RBFOX3: variants seen among roughly 807,000 people sequenced by gnomAD.
The protein encoded by RBFOX3 is RNA binding protein fox-1 homolog 3.
In RBFOX3, 17 loss-of-function variants were observed where a neutral mutation model predicts 48.7. That is an observed-to-expected ratio of 0.35 (90% CI 0.24 to 0.52). RBFOX3 has a LOEUF of 0.52. Ranked by LOEUF, RBFOX3 falls within the 20% of genes least tolerant of loss-of-function variation. The probability of loss-of-function intolerance (pLI) is 0.94; values close to 1 mark genes in which losing one functional copy is unlikely to be tolerated. For missense variants in RBFOX3, 382 were observed against 497.5 expected (o/e 0.77, Z 2.21); for synonymous variants, 212 against 209.5 (o/e 1.01, Z -0.10).
chr17:79,235,662 A>T (rs1600153240), intron 4 of RBFOX3, 104 bp downstream of exon 4: 1 of 153,560 alleles, frequency 6.5e-6, no homozygotes, highest in Non-Finnish European at 1.5e-5. Flanking sequence ...AGTGGCTGGG[A>T]AACCCCAGAA....
At position 79,111,827 on chromosome 17, in the gene RBFOX3, G is replaced by A. The variant is rs2031689098; in HGVS notation, c.222+3667C>T. 6.6e-6 allele frequency among the ~76,000 whole-genome samples: 1 copy of A among 152,252 alleles called. No individual in the cohort carries two copies. Among genetic ancestry groups the A allele is most frequent in the Admixed American group, 6.5e-5 (1 of 15,286 alleles). On this transcript the variant is annotated intron_variant, in intron 5 of 14. Transcript: ENST00000693108. The surrounding 1 kb of genome is among the most constrained non-coding windows in gnomAD (Gnocchi z 4.2). ...CCCGAGTGAGTGAATACATGCTCCAGATGGTGACCCCTGCTGGGGAACACA... is the reference window on the plus strand; with the variant it reads ...CCCGAGTGAGTGAATACATGCTCCAAATGGTGACCCCTGCTGGGGAACACA...
intron 3 of RBFOX3, among the ~76,000 whole-genome samples, chr17:79,304,355 C>T (rs528239551): frequency 8.6e-5 from 13 of 150,664 alleles, no homozygotes; most frequent in South Asian, 4.2e-4. Flanking sequence ...TATACACACA[C>T]GTAAATATAT....
At chr17:79,099,222 C>T (rs2075985090) in intron 9 of RBFOX3, 1 of 152,574 alleles carries the variant, frequency 6.6e-6, no homozygotes, top group Non-Finnish European at 1.5e-5. Flanking sequence ...CTCCTGGGCT[C>T]AAGCGATCCT....
chr17:79,592,403 A>C (rs2093448218), intron 1 of RBFOX3, among the ~76,000 whole-genome samples: 1 of 150,360 alleles, frequency 6.7e-6, no homozygotes, highest in Admixed American at 6.6e-5. Flanking sequence ...TGGAATGTGT[A>C]GTATGGGCAC....
intron 2 of RBFOX3, among the ~76,000 whole-genome samples, chr17:79,415,192 G>A (rs1387452634): frequency 1.3e-5 from 2 of 152,190 alleles, no homozygotes; most frequent in Non-Finnish European, 2.9e-5. Flanking sequence ...AGGTACCTGG[G>A]CCGAGGCCCA....
chr17:79,097,950 C>T, intron 9 of RBFOX3: 1 of 596,334 alleles, frequency 1.7e-6, no homozygotes, highest in Non-Finnish European at 3.0e-6. Context: ...ACTCTTCTGC[C>T]TGGGGGTCTG....
chr17:79,467,543 C>T (rs1215641040), intron 2 of RBFOX3, among the ~76,000 whole-genome samples: 1 of 152,184 alleles, frequency 6.6e-6, no homozygotes, highest in Non-Finnish European at 1.5e-5. Flanking sequence ...GGCCAGCACT[C>T]CTGGGCCACC....
rs541564220 is a variant in RBFOX3, at chr17:79,204,508, C to T, written c.-34+31258G>A. Among the ~76,000 whole-genome samples the T allele has an allele frequency of 1.5e-4, 23 of 152,302 alleles. No individual in the cohort carries two copies. Among genetic ancestry groups the T allele is most frequent in the Non-Finnish European group, 2.2e-4 (15 of 68,026 alleles). ...ACACATACCGACAGCATTCAGTCAA[C>T]GAGGTCGACGCGCTGGAACTACTTT... On this transcript the variant is annotated intron_variant, in intron 4 of 14. Transcript: ENST00000693108. This position sits in a 1 kb window ranked among gnomAD's most constrained non-coding sequence, Gnocchi z 4.5.
chr17:79,349,613 C>T (rs1568088092), intron 2 of RBFOX3, among the ~76,000 whole-genome samples: 1 of 152,118 alleles, frequency 6.6e-6, no homozygotes, highest in Non-Finnish European at 1.5e-5. Context: ...TGTGCGACTC[C>T]AGTCTGATGT....
rs896179524 is a variant in RBFOX3, at chr17:79,467,975, C to T, written c.-175+14479G>A. Among the ~76,000 whole-genome samples the T allele has an allele frequency of 1.9e-4, 29 of 152,180 alleles. No homozygotes were observed. The Middle Eastern group carries it at 0.017, about 89-fold the overall frequency. ...AGGTATGAGAACCCAGGAGACGGTT[C>T]TTCTCCAACACCCGAGGCAGACGTC... On this transcript the variant is annotated intron_variant, in intron 2 of 14. Coordinates refer to ENST00000693108, the MANE Select transcript of RBFOX3 (RefSeq NM_001350451.2).
At chr17:79,563,759 G>A (rs1412089619) in intron 1 of RBFOX3, among the ~76,000 whole-genome samples, 1 of 152,120 alleles carries the variant, frequency 6.6e-6, no homozygotes, top group Non-Finnish European at 1.5e-5. Context: ...CCACTGGCCG[G>A]GAGTCTAGGT....
intron 3 of RBFOX3, among the ~76,000 whole-genome samples, chr17:79,306,651 TGA>T (rs1438150368): frequency 3.3e-5 from 5 of 152,194 alleles, no homozygotes; most frequent in Non-Finnish European, 7.4e-5. Flanking sequence ...CAGAAGGATG[TGA>T]GAGGGTGCAG....
intron 9 of RBFOX3, 70 bp downstream of exon 9, chr17:79,101,514 C>T: frequency 7.2e-7 from 1 of 1,380,982 alleles, no homozygotes; most frequent in South Asian, 1.2e-5. Context: ...CTGCAGCAGC[C>T]TCAGCTCCCC....
chr17:79,169,475 C>G (rs2048695787), intron 4 of RBFOX3, among the ~76,000 whole-genome samples: 1 of 152,222 alleles, frequency 6.6e-6, no homozygotes, highest in South Asian at 2.1e-4. Context: ...TAAGATCACA[C>G]ACCCCACCCA....
intron 3 of RBFOX3, among the ~76,000 whole-genome samples, chr17:79,273,228 G>A (rs576326589): frequency 2.0e-5 from 3 of 152,264 alleles, no homozygotes; most frequent in East Asian, 1.9e-4. Context: ...TTCCACAGCC[G>A]GCCTGAAGCC....
chr17:79,614,464 C>T (rs1875308185), upstream of RBFOX3, among the ~76,000 whole-genome samples: 3 of 80,388 alleles, frequency 3.7e-5, no homozygotes, highest in South Asian at 1.7e-3. Context: ...TCGGAGCTGC[C>T]AACCAGCTTT....
chr17:79,459,892 C>T (rs1695317910), intron 2 of RBFOX3, among the ~76,000 whole-genome samples: 1 of 152,094 alleles, frequency 6.6e-6, no homozygotes, highest in African/African-American at 2.4e-5. Context: ...CTGGAATAGT[C>T]AATAGTCAAA....
At chr17:79,544,463 C>CA (rs1361220948) in intron 1 of RBFOX3, among the ~76,000 whole-genome samples, 1 of 151,996 alleles carries the variant, frequency 6.6e-6, no homozygotes, top group African/African-American at 2.4e-5. Flanking sequence ...AAGGAGGTGA[C>CA]AGAGAAGCAC....
intron 4 of RBFOX3, 141 bp downstream of exon 4, chr17:79,235,625 C>G (rs1279611041): frequency 6.5e-6 from 1 of 153,524 alleles, no homozygotes; most frequent in East Asian, 1.9e-4. Flanking sequence ...GCCTTCCCTC[C>G]ACAGCCCCCA....
Sources: allele counts gnomAD v4.1 joint callset (sites outside exome capture counted in the v4.1 genomes callset), GRCh38; gene constraint gnomAD v4.1.1; non-coding constraint Gnocchi (gnomAD v3.1); transcripts MANE v1.5; gene names NCBI Gene and HGNC (gene_info 2026-07-23, HGNC 2026-07-21).